FABP12: variants seen among roughly 807,000 people sequenced by gnomAD.
The protein encoded by FABP12 is fatty acid-binding protein 12.
In FABP12, 19 loss-of-function variants were observed where a neutral mutation model predicts 13.7. The ratio of observed to expected loss-of-function variants is 1.39; its 90% CI spans 0.97 to 2.04. FABP12 has a LOEUF of 2.04. Ranked by LOEUF, FABP12 falls within the 30% of genes most tolerant of loss-of-function variation. The pLI is 0.00. For missense variants in FABP12, 182 were observed against 164.2 expected, an observed-to-expected ratio of 1.11 and a Z score of -0.59; for synonymous variants, 61 against 57.0, an observed-to-expected ratio of 1.07 and a Z score of -0.32.
upstream of FABP12, among the ~76,000 whole-genome samples, chr8:81,538,609 GC>G (rs1809279399): frequency 6.6e-6 from 1 of 152,162 alleles, no homozygotes; most frequent in Non-Finnish European, 1.5e-5. Flanking sequence ...ATTGTCAGCA[GC>G]CACCAGAAGC....
chr8:81,576,216 C>G (rs1810042262), intron 1 of FABP12, among the ~76,000 whole-genome samples: 1 of 151,912 alleles, frequency 6.6e-6, no homozygotes, highest in Non-Finnish European at 1.5e-5. Context: ...ATAAGAAGCA[C>G]AAAAAAATCC....
chr8:81,538,218 C>T (rs934589792), upstream of FABP12, among the ~76,000 whole-genome samples: 5 of 152,098 alleles, frequency 3.3e-5, no homozygotes, highest in African/African-American at 1.2e-4. Flanking sequence ...GGAGGATCTG[C>T]CCCCACGACC....
chr8:81,559,234 G>A (rs1175847440), intron 1 of FABP12, among the ~76,000 whole-genome samples: 1 of 152,152 alleles, frequency 6.6e-6, no homozygotes, highest in East Asian at 1.9e-4. Context: ...TCCAAAGAGG[G>A]ACACAACTTT....
intron 1 of FABP12, among the ~76,000 whole-genome samples, chr8:81,531,983 C>A (rs1051947424): frequency 6.6e-6 from 1 of 151,998 alleles, no homozygotes; most frequent in Admixed American, 6.6e-5. Context: ...CTGTTACTGA[C>A]ACTTTTCCAG....
At chr8:81,568,194 C>T (rs1809863845) in intron 1 of FABP12, among the ~76,000 whole-genome samples, 1 of 151,108 alleles carries the variant, frequency 6.6e-6, no homozygotes, top group South Asian at 2.1e-4. Flanking sequence ...AGGCAACCCA[C>T]ACAATGGGAG....
chr8:81,563,993 T>A (rs1809773181), intron 1 of FABP12, among the ~76,000 whole-genome samples: 1 of 152,046 alleles, frequency 6.6e-6, no homozygotes, highest in Non-Finnish European at 1.5e-5. Flanking sequence ...AAACATTTAA[T>A]AATCAAACTC....
upstream of FABP12, among the ~76,000 whole-genome samples, chr8:81,538,287 G>A (rs1013989541): frequency 6.6e-6 from 1 of 152,196 alleles, no homozygotes; most frequent in Non-Finnish European, 1.5e-5. Flanking sequence ...CTCAGTATGA[G>A]ATTTGGAGGG....
intron 1 of FABP12, among the ~76,000 whole-genome samples, chr8:81,576,577 AACAATATATCTTAG>A (rs2130089892): frequency 6.6e-6 from 1 of 152,266 alleles, no homozygotes; most frequent in East Asian, 1.9e-4. Context: ...TTTTCCACTT[AACAATATATCTTAG>A]ACAATATATA....
intron 1 of FABP12, among the ~76,000 whole-genome samples, chr8:81,580,381 T>A (rs73281026): frequency 3.9e-5 from 6 of 152,228 alleles, no homozygotes; most frequent in South Asian, 2.1e-4. Flanking sequence ...TTTACTTTTA[T>A]AAGTTTTAAT....
intron 1 of FABP12, among the ~76,000 whole-genome samples, chr8:81,553,352 T>C (rs1809552958): frequency 6.6e-6 from 1 of 152,238 alleles, no homozygotes; most frequent in African/African-American, 2.4e-5. Flanking sequence ...ATTTGCTACC[T>C]TAAATCTTGT....
At chr8:81,531,382 G>C in exon 2 of FABP12, 1 of 1,067,668 alleles carries the variant, frequency 9.4e-7, no homozygotes, top group Non-Finnish European at 1.4e-6. Context: ...CCCTGAAGTA[G>C]TATGGGAACT....
At chr8:81,576,353 T>G (rs1273457514) in intron 1 of FABP12, among the ~76,000 whole-genome samples, 3 of 152,166 alleles carry the variant, frequency 2.0e-5, no homozygotes, top group Non-Finnish European at 2.9e-5. Context: ...TATAATATTT[T>G]CACACAACTA....
intron 1 of FABP12, among the ~76,000 whole-genome samples, chr8:81,560,919 G>T (rs749003072): frequency 1.6e-4 from 24 of 152,334 alleles, no homozygotes; most frequent in Non-Finnish European, 2.9e-4. Context: ...TTTGGCTGTT[G>T]TATCTTCAGG....
exon 5 of FABP12, chr8:81,525,085 T>C (rs1808855712): frequency 9.4e-6 from 15 of 1,596,868 alleles, no homozygotes; most frequent in Admixed American, 1.7e-5. Context: ...CTTTCTCGTA[T>C]GTTCGTGTAC....
At position 81,568,890 on chromosome 8, in the gene FABP12, T is replaced by C. The variant is rs1202683700; in HGVS notation, c.-185+21163A>G. On this transcript the variant is annotated intron_variant, in intron 1 of 5. Coordinates refer to the FABP12 transcript ENST00000692030. ...ACAAATTTTGCATTTTCTCACTTAT[T>C]CTTGGGAGCTAAAAATTAAAGCAAC... 2.0e-5 allele frequency among the ~76,000 whole-genome samples: 3 copies of C among 152,316 alleles called. No individual in the cohort carries two copies. The East Asian group carries it at 5.8e-4, about 29-fold the overall frequency.
chr8:81,574,398 A>G (rs1169116074), intron 1 of FABP12, among the ~76,000 whole-genome samples: 2 of 152,130 alleles, frequency 1.3e-5, no homozygotes, highest in Non-Finnish European at 2.9e-5. Flanking sequence ...TATCAAGGAT[A>G]CCAGTCTGTA....
At chr8:81,526,933 C>T in intron 4 of FABP12, 87 bp downstream of exon 4, 1 of 715,982 alleles carries the variant, frequency 1.4e-6, no homozygotes, top group Admixed American at 3.0e-5. Context: ...AGGAAAATGG[C>T]ATTCATTTTC....
chr8:81,569,129 C>CA (rs979167832), intron 1 of FABP12, among the ~76,000 whole-genome samples: 1 of 151,968 alleles, frequency 6.6e-6, no homozygotes, highest in Non-Finnish European at 1.5e-5. Context: ...GTAACACACA[C>CA]AAAAAATAAA....
intron 1 of FABP12, among the ~76,000 whole-genome samples, chr8:81,579,848 G>T (rs895686894): frequency 6.6e-6 from 1 of 152,072 alleles, no homozygotes; most frequent in South Asian, 2.1e-4. Context: ...TCTTAAAAAT[G>T]TACAGATATG....
Sources: allele counts gnomAD v4.1 joint callset (sites outside exome capture counted in the v4.1 genomes callset), GRCh38; gene constraint gnomAD v4.1.1; transcripts MANE v1.5; gene names NCBI Gene and HGNC (gene_info 2026-07-23, HGNC 2026-07-21).